Variants in SKAP2 observed in about 807,000 individuals in gnomAD.
SKAP2 encodes src kinase associated phosphoprotein 2.
SKAP2 carries 28 observed loss-of-function variants against 54.9 expected under a neutral mutation model. The ratio of observed to expected loss-of-function variants is 0.51; its 90% confidence interval spans 0.38 to 0.70. SKAP2 has a LOEUF of 0.70. Among genes scored for constraint, SKAP2 ranks in the 30% least tolerant of loss-of-function variants. SKAP2 has a pLI of 0.00. For synonymous variants in SKAP2, 137 were observed against 134.3 expected (o/e 1.02, Z -0.14); for missense variants, 356 against 424.1 (o/e 0.84, Z 1.41).
Position 26,810,529 on chromosome 7 carries a change from T to C in SKAP2, c.307+33501A>G, listed in dbSNP as rs371941420. Among the ~76,000 whole-genome samples the C allele has an allele frequency of 1.3e-4, 20 of 152,196 alleles. No individual in the cohort carries two copies. The South Asian group carries it at 4.1e-3, about 32-fold the overall frequency. On this transcript the variant is annotated intron_variant, in intron 4 of 12. Coordinates refer to ENST00000345317, the MANE Select transcript of SKAP2 (RefSeq NM_003930.5). Reference sequence around the variant, plus strand: ...CGGTGACTGCTTAACCTACTTATACTTGAAAATTGCTAACAGTGGATTTCA... The same window carrying C: ...CGGTGACTGCTTAACCTACTTATACCTGAAAATTGCTAACAGTGGATTTCA...
intron 3 of SKAP2, among the ~76,000 whole-genome samples, chr7:26,845,371 T>C (rs1218911999): frequency 6.6e-6 from 1 of 152,190 alleles, no homozygotes; most frequent in Non-Finnish European, 1.5e-5. Flanking sequence ...TCCTATTTCC[T>C]TATAATTTTG....
chr7:26,833,656 C>A (rs575776606), intron 4 of SKAP2, among the ~76,000 whole-genome samples: 2 of 152,202 alleles, frequency 1.3e-5, no homozygotes, highest in South Asian at 4.1e-4. Flanking sequence ...GACATCAATG[C>A]AACAAGAAGA....
intron 4 of SKAP2, among the ~76,000 whole-genome samples, chr7:26,836,290 C>T (rs2127993755): frequency 1.3e-5 from 2 of 152,268 alleles, no homozygotes; most frequent in South Asian, 4.1e-4. Flanking sequence ...TGGGCAAAGA[C>T]TTCATGACTA....
intron 4 of SKAP2, among the ~76,000 whole-genome samples, chr7:26,755,869 A>C (rs188253057): frequency 3.0e-4 from 45 of 152,342 alleles, no homozygotes; most frequent in Admixed American, 2.4e-3. Context: ...AGTATAGCTT[A>C]ATACAGCTTT....
At chr7:26,784,608 A>C (rs1282520681) in intron 4 of SKAP2, among the ~76,000 whole-genome samples, 1 of 152,232 alleles carries the variant, frequency 6.6e-6, no homozygotes, top group East Asian at 1.9e-4. Context: ...CCTAAACAAA[A>C]CTGGATATAA....
At chr7:26,672,198 A>G (rs212842) in intron 11 of SKAP2, among the ~76,000 whole-genome samples, 61 of 151,702 alleles carry the variant, frequency 4.0e-4, no homozygotes, top group African/African-American at 1.4e-3. Context: ...AAATTACAAG[A>G]CAGAAAGTTA....
intron 6 of SKAP2, among the ~76,000 whole-genome samples, chr7:26,736,066 T>C (rs1372895401): frequency 6.6e-6 from 1 of 152,152 alleles, no homozygotes; most frequent in Non-Finnish European, 1.5e-5. Flanking sequence ...AAAATGGTAA[T>C]TTTTTTAAAG....
chr7:26,857,906 T>C, intron 1 of SKAP2: 1 of 175,986 alleles, frequency 5.7e-6, no homozygotes, highest in Non-Finnish European at 1.1e-5. Context: ...GCAAGAGCGT[T>C]AGCCTTCTTC....
intron 3 of SKAP2, among the ~76,000 whole-genome samples, chr7:26,849,244 T>C (rs925354516): frequency 3.9e-5 from 6 of 152,222 alleles, no homozygotes; most frequent in Non-Finnish European, 8.8e-5. Context: ...AACTGCTTTC[T>C]AAGTAAATCT....
At chr7:26,659,113 A>G in the SKAP2 span, among the ~76,000 whole-genome samples, 6 of 152,154 alleles carry the variant, frequency 3.9e-5, no homozygotes, top group Admixed American at 3.9e-4. Context: ...CATAATCTTT[A>G]TTAAAGGAAA....
At chr7:26,851,009 G>A (rs932397426) in intron 3 of SKAP2, among the ~76,000 whole-genome samples, 1 of 151,886 alleles carries the variant, frequency 6.6e-6, no homozygotes, top group African/African-American at 2.4e-5. Context: ...GTAATAAAAC[G>A]AGTTTCTACC....
chr7:26,828,460 CAGG>C, intron 4 of SKAP2, among the ~76,000 whole-genome samples: 1 of 150,468 alleles, frequency 6.6e-6, no homozygotes, highest in East Asian at 2.0e-4. Flanking sequence ...GGCAGATCAC[CAGG>C]TCAGGAGATC....
chr7:26,776,433 C>T (rs1260262085), intron 4 of SKAP2, among the ~76,000 whole-genome samples: 1 of 152,142 alleles, frequency 6.6e-6, no homozygotes, highest in Non-Finnish European at 1.5e-5. Flanking sequence ...CTCATTACCT[C>T]CTTCCTCTGT....
At chr7:26,831,023 C>CA (rs1364771170) in intron 4 of SKAP2, among the ~76,000 whole-genome samples, 2 of 152,116 alleles carry the variant, frequency 1.3e-5, no homozygotes, top group Non-Finnish European at 2.9e-5. Context: ...TTTTGATTGG[C>CA]AGCCTTGTTT....
intron 9 of SKAP2, among the ~76,000 whole-genome samples, chr7:26,711,085 T>A (rs1787290818): frequency 6.6e-6 from 1 of 152,216 alleles, no homozygotes; most frequent in African/African-American, 2.4e-5. Flanking sequence ...CCTGAGCAGG[T>A]TTAACGAAAA....
At chr7:26,728,830 G>A (rs1203031951) in intron 6 of SKAP2, among the ~76,000 whole-genome samples, 2 of 152,050 alleles carry the variant, frequency 1.3e-5, no homozygotes, top group African/African-American at 4.8e-5. Context: ...AAATTTCAGG[G>A]ACCAGATTTA....
intron 4 of SKAP2, among the ~76,000 whole-genome samples, chr7:26,829,886 A>C (rs1227077494): frequency 6.6e-6 from 1 of 152,208 alleles, no homozygotes; most frequent in East Asian, 1.9e-4. Context: ...TGATACAGTA[A>C]TTTCGTTCCT....
intron 4 of SKAP2, among the ~76,000 whole-genome samples, chr7:26,782,316 G>A (rs1783445006): frequency 6.6e-6 from 1 of 152,200 alleles, no homozygotes; most frequent in Non-Finnish European, 1.5e-5. Flanking sequence ...AATAAAATCA[G>A]ATGTAAAGCT....
At chr7:26,861,095 TA>T (rs970749994) in intron 1 of SKAP2, among the ~76,000 whole-genome samples, 1 of 151,998 alleles carries the variant, frequency 6.6e-6, no homozygotes, top group African/African-American at 2.4e-5. Context: ...TTTGTTGTCC[TA>T]AAACAAATGA....
Sources: gnomAD v4.1 joint callset for allele counts (sites outside exome capture counted in the v4.1 genomes callset) on GRCh38, gnomAD v4.1.1 for gene constraint, MANE v1.5 for transcripts, NCBI Gene and HGNC (gene_info 2026-07-23, HGNC 2026-07-21) for gene names.